Variants in FOXJ3 observed in about 807,000 individuals in gnomAD.
FOXJ3 encodes the protein forkhead box J3.
In FOXJ3, 22 loss-of-function variants were observed where a neutral mutation model predicts 76.1. The observed-to-expected ratio is 0.29, with a 90% CI of 0.21 to 0.41. The LOEUF is 0.41. FOXJ3 is among the 10% of genes least tolerant of loss of function. The pLI, the probability that FOXJ3 is intolerant of heterozygous loss-of-function variation, is 1.00. For missense variants in FOXJ3, 613 were observed against 762.1 expected (o/e 0.80, Z 2.30); for synonymous variants, 269 against 261.2 (o/e 1.03, Z -0.29).
chr1:42,259,314 C>T (rs746409332), intron 4 of FOXJ3, among the ~76,000 whole-genome samples: 9 of 152,120 alleles, frequency 5.9e-5, no homozygotes, highest in South Asian at 4.1e-4. Context: ...GTGATGGTTA[C>T]GCTGTGTTTG....
intron 5 of FOXJ3, among the ~76,000 whole-genome samples, chr1:42,221,904 G>T (rs1261450517): frequency 7.5e-6 from 1 of 133,736 alleles, no homozygotes; most frequent in Non-Finnish European, 1.6e-5. Context: ...CTTGAGCCCA[G>T]GAGTTTGAGA....
intron 5 of FOXJ3, among the ~76,000 whole-genome samples, chr1:42,217,992 T>G (rs1000294137): frequency 6.6e-6 from 1 of 152,214 alleles, no homozygotes; most frequent in African/African-American, 2.4e-5. Context: ...CCCCAGGAAA[T>G]TCTACTTAGA....
chr1:42,231,538 CT>C (rs577065303), intron 4 of FOXJ3, among the ~76,000 whole-genome samples: 78 of 152,180 alleles, frequency 5.1e-4, no homozygotes, highest in African/African-American at 1.8e-3. Context: ...TGAAAACGTT[CT>C]CGAGATGGAT....
In FOXJ3 at chr1:42,311,119, C is replaced by T. The variant is rs2124757587; in HGVS notation, c.-17-9G>A. 1 of 1,578,902 alleles carries T rather than the reference C, an allele frequency of 6.3e-7. No individual in the cohort carries two copies. The highest frequency in any genetic ancestry group is 8.6e-7 in the Non-Finnish European group (1 of 1,163,432). ...CTGGCCACAAAGAGAATCTGAAAAGCAAAGAAGAGTTAGTTATCAGATACT... is the reference window on the plus strand; with the variant it reads ...CTGGCCACAAAGAGAATCTGAAAAGTAAAGAAGAGTTAGTTATCAGATACT... On this transcript the variant is annotated splice_polypyrimidine_tract_variant and intron_variant, in intron 1 of 12. Transcript: ENST00000361346.
At chr1:42,299,701 G>A (rs1248075601) in intron 2 of FOXJ3, among the ~76,000 whole-genome samples, 1 of 152,094 alleles carries the variant, frequency 6.6e-6, no homozygotes, top group Non-Finnish European at 1.5e-5. Flanking sequence ...GAGGTCAGGA[G>A]CTCAAGACCA....
intron 1 of FOXJ3, among the ~76,000 whole-genome samples, chr1:42,319,311 G>C (rs1212948732): frequency 1.3e-5 from 2 of 152,120 alleles, no homozygotes; most frequent in African/African-American, 4.8e-5. Flanking sequence ...CCACATAATG[G>C]AATAACTGTT....
At chr1:42,240,434 G>T (rs1649041052) in intron 4 of FOXJ3, among the ~76,000 whole-genome samples, 1 of 152,170 alleles carries the variant, frequency 6.6e-6, no homozygotes, top group African/African-American at 2.4e-5. Flanking sequence ...GAACTTGGAG[G>T]ATTCACATTC....
chr1:42,319,768 C>T (rs1295069455), intron 1 of FOXJ3, among the ~76,000 whole-genome samples: 1 of 152,150 alleles, frequency 6.6e-6, no homozygotes, highest in Non-Finnish European at 1.5e-5. Flanking sequence ...TCACTAGTGC[C>T]ACAGGATCCA....
At chr1:42,295,607 C>T (rs936060727) in intron 2 of FOXJ3, among the ~76,000 whole-genome samples, 1 of 147,062 alleles carries the variant, frequency 6.8e-6, no homozygotes, top group African/African-American at 2.5e-5. Flanking sequence ...TGGCTCACTG[C>T]AACCTCTGCC....
In FOXJ3 at chr1:42,179,844, T is replaced by TA. The variant is rs757514645; in HGVS notation, c.1754-20dup. The stretch of plus-strand genomic sequence containing the variant: ...TGATGGCCTGGAAGGAAAGAGGCAA[T>TA]AATAGCAGCGACTTGGGTAGAGAAG... On this transcript the variant is annotated intron_variant, in intron 12 of 12. Coordinates refer to ENST00000361346, the MANE Select transcript of FOXJ3 (RefSeq NM_014947.5). 1.6e-5 allele frequency: 24 copies of TA among 1,515,696 alleles called. No individual in the cohort carries two copies. The highest frequency in any genetic ancestry group is 1.7e-5 in the Admixed American group (1 of 59,830). The allele number at this position is 1,515,696 out of a possible 1,614,324, so 93.9% of individuals were successfully genotyped here.
Position 42,269,967 on chromosome 1 carries a change from C to T in FOXJ3, c.370-4778G>A, listed in dbSNP as rs996430946. Among the ~76,000 whole-genome samples, 4 of 152,118 alleles carry T rather than the reference C, an allele frequency of 2.6e-5. 1 individual carries two copies. The highest frequency in any genetic ancestry group is 2.0e-4 in the Admixed American group (3 of 15,270). ...TGCAGAGAGTTATGTCTTCACAATG[C>T]AATTTTGGTGTTACCCCTTAACTTA... On this transcript the variant is annotated intron_variant, in intron 3 of 12. Coordinates refer to ENST00000361346, the MANE Select transcript of FOXJ3 (RefSeq NM_014947.5).
intron 1 of FOXJ3, among the ~76,000 whole-genome samples, chr1:42,328,444 G>A (rs1174258047): frequency 6.6e-6 from 1 of 152,152 alleles, no homozygotes; most frequent in Non-Finnish European, 1.5e-5. Flanking sequence ...TATGAGTCTT[G>A]TTACAGACTA....
rs79162139 is a variant in FOXJ3 at position 42,309,898 on chromosome 1, C to G, written c.44+1152G>C. 4.1e-3 allele frequency among the ~76,000 whole-genome samples: 630 copies of G among 152,318 alleles called. 3 individuals are homozygous for G. Among genetic ancestry groups the G allele is most frequent in the African/African-American group, 0.014 (587 of 41,580 alleles). ...TATCTGCTTTACTAATTTGACTTCA[C>G]ATATGAATTGATTGGCAAAACTCAT... On this transcript the variant is annotated intron_variant, in intron 2 of 12. Transcript: ENST00000361346.
At position 42,194,274 on chromosome 1, in the gene FOXJ3, T is replaced by C. The variant is rs1646608186; in HGVS notation, c.934+616A>G. The stretch of plus-strand genomic sequence containing the variant: ...GACATTTTTACCCTCTGATTAAAAT[T>C]AAACCAGCAGCTAATGGGAAGAGAA... On this transcript the variant is annotated intron_variant, in intron 8 of 12. Transcript: ENST00000361346. Among the ~76,000 whole-genome samples, 5 of 152,214 alleles carry C rather than the reference T, an allele frequency of 3.3e-5. No homozygotes were observed. The South Asian group carries it at 1.0e-3, about 32-fold the overall frequency.
At chr1:42,238,531 A>C (rs1234010200) in intron 4 of FOXJ3, among the ~76,000 whole-genome samples, 1 of 152,136 alleles carries the variant, frequency 6.6e-6, no homozygotes, top group Non-Finnish European at 1.5e-5. Context: ...GAGGACCAGC[A>C]CGCCAATTTC....
intron 5 of FOXJ3, 33 bp downstream of exon 5, chr1:42,227,850 C>T: frequency 8.3e-7 from 1 of 1,207,876 alleles, no homozygotes; most frequent in Non-Finnish European, 1.2e-6. Flanking sequence ...ATATTCAATG[C>T]ATTACACTAA....
intron 4 of FOXJ3, among the ~76,000 whole-genome samples, chr1:42,242,932 A>C (rs1200536767): frequency 7.3e-6 from 1 of 137,070 alleles, no homozygotes; most frequent in East Asian, 2.1e-4. Context: ...ACAAAGTTCT[A>C]AAAAAGCAAG....
chr1:42,242,559 A>AT (rs1324494582), intron 4 of FOXJ3, among the ~76,000 whole-genome samples: 2 of 115,524 alleles, frequency 1.7e-5, no homozygotes, highest in South Asian at 2.8e-4. Context: ...AAATAACTCA[A>AT]TAAGACCAAA....
At chr1:42,207,771 A>T (rs1176583060) in intron 5 of FOXJ3, among the ~76,000 whole-genome samples, 1 of 152,180 alleles carries the variant, frequency 6.6e-6, no homozygotes, top group Non-Finnish European at 1.5e-5. Flanking sequence ...GAGAATAGGG[A>T]TCTTGATTGA....
Sources: gnomAD v4.1 joint callset for allele counts (sites outside exome capture counted in the v4.1 genomes callset) on GRCh38, gnomAD v4.1.1 for gene constraint, MANE v1.5 for transcripts, NCBI Gene and HGNC (gene_info 2026-07-23, HGNC 2026-07-21) for gene names.